PPOX: variants seen among roughly 807,000 people sequenced by gnomAD.
PPOX encodes the protein protoporphyrinogen oxidase.
Under a neutral mutation model 54.1 loss-of-function variants are expected in PPOX, and 23 were observed. The ratio of observed to expected loss-of-function variants is 0.43; its 90% confidence interval spans 0.31 to 0.60. The LOEUF (loss-of-function observed/expected upper bound fraction) is 0.60. Ranked by LOEUF, PPOX falls within the 20% of genes least tolerant of loss-of-function variation. The pLI, the probability that PPOX is intolerant of heterozygous loss-of-function variation, is 0.13. For synonymous variants in PPOX, 224 were observed against 236.1 expected (o/e 0.95, Z 0.47); for missense variants, 512 against 601.1 (o/e 0.85, Z 1.55).
downstream of PPOX, chr1:161,175,030 C>T (rs1300509796): frequency 1.2e-6 from 2 of 1,613,462 alleles, no homozygotes; most frequent in Admixed American, 1.7e-5. Context: ...AAGCTGCTGG[C>T]GCTGCAAGAA....
At chr1:161,166,159 C>T, upstream of PPOX, 1 of 984,792 alleles carries the variant, frequency 1.0e-6, no homozygotes, top group South Asian at 4.7e-5. Context: ...AGGGTTGTCA[C>T]CCTAGCTGGA....
downstream of PPOX, chr1:161,176,187 C>G: frequency 8.2e-7 from 1 of 1,222,124 alleles, no homozygotes; most frequent in South Asian, 1.4e-5. Flanking sequence ...AAGCAGAAAA[C>G]AAAGTCACAG....
At chr1:161,176,543 G>C (rs545793396) in intron 4 of PPOX, 1 of 446,962 alleles carries the variant, frequency 2.2e-6, no homozygotes, top group Non-Finnish European at 4.1e-6. Flanking sequence ...GCAGAGAAAG[G>C]CTCCATCCAG....
At position 161,166,838 on chromosome 1, in the gene PPOX, A is replaced by G. The variant is rs1298869985; in HGVS notation, c.-8-2A>G. ...CTGTCCATATCGCCCCCTTTCCCCC[A>G]GGTTTCCGCATGGGCCGGACCGTGG... is the stretch of plus-strand genomic sequence containing the variant. On this transcript the variant is annotated splice_acceptor_variant, in intron 1 of 12. Transcript: ENST00000367999. LOFTEE classifies it low-confidence loss of function (5UTR_SPLICE). 39 of 1,612,708 alleles carry G rather than the reference A, an allele frequency of 2.4e-5. No individual in the cohort carries two copies. The highest frequency in any genetic ancestry group is 3.3e-5 in the Non-Finnish European group (39 of 1,179,980).
chr1:161,172,371 G>A (rs755467809), downstream of PPOX: 4 of 1,559,258 alleles, frequency 2.6e-6, no homozygotes, highest in Non-Finnish European at 3.5e-6. Context: ...ATCCAGAGTA[G>A]AGAAAAGCAA....
At position 161,170,000 on chromosome 1, in the gene PPOX, C is replaced by T. The variant is rs767037537; in HGVS notation, c.963C>T (p.Tyr321=). 3 of 1,613,944 alleles carry T rather than the reference C, an allele frequency of 1.9e-6. No homozygotes were observed. The South Asian group carries it at 3.3e-5, about 18-fold the overall frequency. ...AVSVAVVNLQ[Y]QGAHLPVQGF... ...CTGTAGCTGTGGTGAATCTGCAGTA[C>T]CAAGGAGCCCATCTGCCTGTCCAGG... is the stretch of plus-strand genomic sequence containing the variant. The change falls in exon 9 of 13, where the codon TAC becomes TAT. Residue 321 remains tyrosine (Y), a synonymous_variant. Transcript: ENST00000367999.
chr1:161,168,172 G>A, intron 5 of PPOX, 45 bp downstream of exon 5: 1 of 1,613,930 alleles, frequency 6.2e-7, no homozygotes, highest in Non-Finnish European at 8.5e-7. Context: ...TCCTAAACCA[G>A]CTGCAGAGCT....
upstream of PPOX, chr1:161,166,216 C>T: frequency 1.0e-6 from 1 of 970,792 alleles, no homozygotes; most frequent in Non-Finnish European, 1.2e-6. Context: ...ATTAAGCGCT[C>T]GCCGCCTCGG....
At position 161,167,905 on chromosome 1, in the gene PPOX, A is replaced by T. The variant is rs1659693840; in HGVS notation, c.339-90A>T. 3.1e-6 allele frequency: 5 copies of T among 1,595,594 alleles called. No individual in the cohort carries two copies. In the South Asian group the frequency reaches 5.5e-5, roughly 18 times the overall value. ...TCTCCCTGTCAGCCTTCCCAGCAAA[A>T]GGAAGCCAAATGAGTGGAAATGACC... On this transcript the variant is annotated intron_variant, in intron 4 of 12. Coordinates refer to ENST00000367999, the MANE Select transcript of PPOX (RefSeq NM_001122764.3).
chr1:161,176,222 A>G, intron 4 of PPOX: 8 of 861,838 alleles, frequency 9.3e-6, no homozygotes, highest in Non-Finnish European at 1.4e-5. Flanking sequence ...GTGCACAGTC[A>G]CGCAAGGAAA....
At chr1:161,165,744 T>G, upstream of PPOX, 1 of 279,080 alleles carries the variant, frequency 3.6e-6, no homozygotes, top group Non-Finnish European at 6.8e-6. Context: ...ATTTGTATTT[T>G]TGCTTAGGGG....
chr1:161,175,408 A>T (rs1240485788), downstream of PPOX, among the ~76,000 whole-genome samples: 1 of 152,136 alleles, frequency 6.6e-6, no homozygotes, highest in East Asian at 1.9e-4. Context: ...AAAGGCTGGA[A>T]GGTGCAGGAT....
downstream of PPOX, chr1:161,174,944 G>A: frequency 3.2e-6 from 5 of 1,578,106 alleles, no homozygotes; most frequent in Non-Finnish European, 4.4e-6. Flanking sequence ...ATGTGCTTGA[G>A]GCTTCCTTAG....
downstream of PPOX, chr1:161,171,423 TCAC>T (rs1434732160): frequency 3.1e-6 from 2 of 653,116 alleles, no homozygotes; most frequent in Non-Finnish European, 2.6e-6. Context: ...GGGGCTTCCT[TCAC>T]CAAACAACTT....
At chr1:161,167,561 T>TTTC in intron 4 of PPOX, 75 bp downstream of exon 4, 7 of 1,079,922 alleles carry the variant, frequency 6.5e-6, no homozygotes, top group Non-Finnish European at 8.5e-6. Context: ...TCTTTTCTTT[T>TTTC]TTTTTTTTTT....
At chr1:161,177,553 G>A (rs1003148846), downstream of PPOX, 2 of 168,284 alleles carry the variant, frequency 1.2e-5, no homozygotes, top group African/African-American at 4.8e-5. Context: ...GGAGCCACCC[G>A]GGCTGACTAG....
At chr1:161,177,358 C>G, downstream of PPOX, 1 of 435,220 alleles carries the variant, frequency 2.3e-6, no homozygotes, top group Admixed American at 3.6e-5. Context: ...CAAAACTTCT[C>G]ACTCTCTCGA....
rs1484062472 is a variant in PPOX at position 161,170,675 on chromosome 1, C to T, written c.1154C>T (p.Ser385Phe). Reference protein sequence around the residue: ...QTLEASGCVLSQELFQQRAQE... With the variant: ...QTLEASGCVLFQELFQQRAQE... ...CTGGAGGCTAGTGGCTGTGTCTTAT[C>T]TCAGGAGCTGTTTCAACAGCGGGCC... The change falls in exon 11 of 13, where the codon TCT (serine) becomes TTT (phenylalanine). Residue 385 changes from serine (S) to phenylalanine (F), a missense_variant. By Grantham distance (155) the Ser-to-Phe change is radical. Coordinates refer to ENST00000367999, the MANE Select transcript of PPOX (RefSeq NM_001122764.3). The T allele has an allele frequency of 1.2e-6, 2 of 1,614,148 alleles. No homozygotes were observed. Among genetic ancestry groups the T allele is most frequent in the South Asian group, 1.1e-5 (1 of 91,086 alleles).
chr1:161,172,195 A>G (rs1661697267), downstream of PPOX: 1 of 1,612,980 alleles, frequency 6.2e-7, no homozygotes, highest in Non-Finnish European at 8.5e-7. Context: ...GGATCCAGTA[A>G]CAATTCCCAG....
Sources: gnomAD v4.1 joint callset for allele counts (sites outside exome capture counted in the v4.1 genomes callset) on GRCh38, gnomAD v4.1.1 for gene constraint, MANE v1.5 for transcripts, NCBI Gene and HGNC (gene_info 2026-07-23, HGNC 2026-07-21) for gene names.